The following TRPM1 variants were observed in gnomAD, a reference collection of about 807,000 sequenced individuals.
TRPM1 encodes the protein TRPM1-203 APA Isoform, Intron 10.
Under a neutral mutation model 149.4 loss-of-function variants are expected in TRPM1, and 113 were observed. The ratio of observed to expected loss-of-function variants is 0.76; its 90% confidence interval spans 0.65 to 0.88. The LOEUF is 0.88. Among genes scored for constraint, TRPM1 ranks in the 40% least tolerant of loss-of-function variants. The pLI is 0.00. For missense variants in TRPM1, 1,976 were observed against 2,038.7 expected (o/e 0.97, Z 0.59); for synonymous variants, 741 against 759.5 (o/e 0.98, Z 0.40).
At chr15:31,086,982 C>T (rs1309500603) in intron 1 of TRPM1, among the ~76,000 whole-genome samples, 1 of 152,108 alleles carries the variant, frequency 6.6e-6, no homozygotes, top group African/African-American at 2.4e-5. Flanking sequence ...TACTCAACAT[C>T]ACTCATCTTA....
intron 11 of TRPM1, among the ~76,000 whole-genome samples, chr15:31,055,425 T>C (rs1334823408): frequency 6.6e-6 from 1 of 152,086 alleles, no homozygotes; most frequent in Non-Finnish European, 1.5e-5. Flanking sequence ...AAGCCCAAAA[T>C]GTGTAATGTG....
chr15:31,158,822 A>T (rs2036410257), intron 1 of TRPM1, among the ~76,000 whole-genome samples: 1 of 152,108 alleles, frequency 6.6e-6, no homozygotes, highest in South Asian at 2.1e-4. Flanking sequence ...TATATTTTGC[A>T]GGAATCAATA....
chr15:31,017,809 G>A (rs2032418066), intron 27 of TRPM1, among the ~76,000 whole-genome samples: 1 of 152,136 alleles, frequency 6.6e-6, no homozygotes, highest in South Asian at 2.1e-4. Context: ...CAAATAATAG[G>A]TATGGCAATA....
chr15:31,035,913 A>T (rs1340105127), intron 20 of TRPM1: 3 of 580,602 alleles, frequency 5.2e-6, no homozygotes, highest in Non-Finnish European at 9.2e-6. Context: ...TTCTACATGG[A>T]GACATATTGG....
intron 27 of TRPM1, among the ~76,000 whole-genome samples, chr15:31,013,949 TA>T (rs1464252033): frequency 6.6e-6 from 1 of 152,210 alleles, no homozygotes; most frequent in Non-Finnish European, 1.5e-5. Flanking sequence ...TATGTGTATA[TA>T]GGGGCACATC....
intron 3 of TRPM1, 63 bp from the exon 4 acceptor site, chr15:31,070,289 A>G: frequency 6.6e-7 from 1 of 1,512,378 alleles, no homozygotes; most frequent in Non-Finnish European, 9.2e-7. Context: ...TTCATTAGCA[A>G]AAATGAATTA....
At chr15:31,150,093 T>C (rs2036279795) in intron 1 of TRPM1, among the ~76,000 whole-genome samples, 1 of 152,238 alleles carries the variant, frequency 6.6e-6, no homozygotes, top group Non-Finnish European at 1.5e-5. Context: ...AATCTTGTGT[T>C]GCCCGCAGCC....
intron 1 of TRPM1, 132 bp from the exon 2 acceptor site, chr15:31,081,570 G>A: frequency 1.6e-6 from 1 of 631,768 alleles, no homozygotes; most frequent in South Asian, 2.0e-5. Context: ...AGGGCTCCCT[G>A]ACTCCCCATC....
At chr15:31,042,650 GT>G (rs2033658032) in intron 16 of TRPM1, among the ~76,000 whole-genome samples, 1 of 152,144 alleles carries the variant, frequency 6.6e-6, no homozygotes, top group Admixed American at 6.5e-5. Context: ...AATAACACTC[GT>G]TTGCCAGACG....
rs1394712179 is a variant in TRPM1 at position 31,070,129 on chromosome 15, G to A, written c.181C>T (p.Pro61Ser). ...EEESKQVETQPEKWSVAKHTQ... is the reference protein window; with the variant it reads ...EEESKQVETQSEKWSVAKHTQ... ...TGCTTGGCAACAGACCATTTCTCAG[G>A]CTGAGTCTCCACCTGTTTGCTTTCC... The change falls in exon 4 of 28, where the codon CCT (proline) becomes TCT (serine). Residue 61 changes from proline (P) to serine (S), a missense_variant. Around this residue, in one of 3 missense-constraint regions of TRPM1, gnomAD observed 1,332 missense variants for 1,347.1 expected, o/e 0.99. Transcript: ENST00000256552. The A allele has an allele frequency of 1.2e-6, 2 of 1,614,056 alleles. No individual in the cohort carries two copies. The highest frequency in any genetic ancestry group is 3.3e-5 in the Admixed American group (2 of 60,014).
At chr15:31,047,749 AATAGACT>A in intron 14 of TRPM1, 133 bp downstream of exon 14, 1 of 784,994 alleles carries the variant, frequency 1.3e-6, no homozygotes, top group Admixed American at 1.9e-5. Flanking sequence ...CTTAGTTTTA[AATAGACT>A]CTTTACGAAA....
chr15:31,143,798 T>C (rs2036189477), intron 1 of TRPM1, among the ~76,000 whole-genome samples: 1 of 152,214 alleles, frequency 6.6e-6, no homozygotes, highest in Non-Finnish European at 1.5e-5. Flanking sequence ...AAGCATACTT[T>C]TGTAAACAAA....
rs572300366 is a variant in TRPM1, at chr15:31,118,371, T to A, written c.55-41387A>T. ...AGGAGACATATTTGTAGTAACTGTC[T>A]GAGAATTTTCCAAAATTAAGGGCAG... On this transcript the variant is annotated intron_variant, in intron 1 of 26. Transcript: ENST00000542188. Among the ~76,000 whole-genome samples, 4 of 152,284 alleles carry A rather than the reference T, an allele frequency of 2.6e-5. No individual in the cohort carries two copies. The East Asian group carries it at 7.7e-4, about 29-fold the overall frequency.
chr15:31,140,813 CTTTG>C (rs200139571), intron 1 of TRPM1, among the ~76,000 whole-genome samples: 182 of 151,908 alleles, frequency 1.2e-3, no homozygotes, highest in African/African-American at 3.2e-3. Flanking sequence ...ATTTTATAAT[CTTTG>C]TTTGTTTGTT....
chr15:31,057,803 T>C (rs1046516787), intron 11 of TRPM1, among the ~76,000 whole-genome samples: 3 of 152,170 alleles, frequency 2.0e-5, no homozygotes, highest in African/African-American at 7.2e-5. Context: ...TGTGAAGTGA[T>C]TGGATCATGA....
At chr15:31,101,534 A>G (rs1020344423) in intron 1 of TRPM1, 123 bp downstream of exon 1, 45 of 514,704 alleles carry the variant, frequency 8.7e-5, no homozygotes, top group Non-Finnish European at 1.0e-4. Context: ...GGTTACCAAC[A>G]CCTGAGCTTA....
chr15:31,056,605 C>T (rs1456776240), intron 11 of TRPM1, among the ~76,000 whole-genome samples: 1 of 152,188 alleles, frequency 6.6e-6, no homozygotes, highest in Non-Finnish European at 1.5e-5. Context: ...GTGTTGGAAA[C>T]TGAATCCCCA....
chr15:31,113,856 C>A (rs144175658), intron 1 of TRPM1, among the ~76,000 whole-genome samples: 2 of 151,674 alleles, frequency 1.3e-5, no homozygotes, highest in African/African-American at 4.9e-5. Flanking sequence ...ACGACGCTCC[C>A]ACACGCTGGA....
chr15:31,062,467 A>G, intron 9 of TRPM1, 112 bp downstream of exon 9: 2 of 1,416,360 alleles, frequency 1.4e-6, no homozygotes, highest in Non-Finnish European at 2.0e-6. Context: ...GTCTCTCAGA[A>G]AAGGCCGGAC....
Sources: allele counts gnomAD v4.1 joint callset (sites outside exome capture counted in the v4.1 genomes callset), GRCh38; gene constraint gnomAD v4.1.1; regional missense constraint gnomAD v4.1.1; transcripts MANE v1.5; gene names NCBI Gene and HGNC (gene_info 2026-07-23, HGNC 2026-07-21).